The following PGM2L1 variants were observed in gnomAD, a reference collection of about 807,000 sequenced individuals.
PGM2L1 encodes glucose 1,6-bisphosphate synthase.
A neutral mutation model predicts 73.4 loss-of-function variants in PGM2L1; 35 were observed. That is an observed-to-expected ratio of 0.48 (90% CI 0.36 to 0.63). The LOEUF is 0.63. Among genes scored for constraint, PGM2L1 ranks in the 30% least tolerant of loss-of-function variants. The pLI, the probability that PGM2L1 is intolerant of heterozygous loss-of-function variation, is 0.00. For synonymous variants in PGM2L1, 225 were observed against 253.8 expected (o/e 0.89, Z 1.08); for missense variants, 570 against 742.0 (o/e 0.77, Z 2.69).
intron 6 of PGM2L1, among the ~76,000 whole-genome samples, chr11:74,349,427 G>A (rs1862316364): frequency 6.6e-6 from 1 of 152,132 alleles, no homozygotes; most frequent in African/African-American, 2.4e-5. Context: ...TTTGGTCAGT[G>A]GGAGTCCCTT....
At chr11:74,338,094 A>C (rs553941037) in intron 13 of PGM2L1, among the ~76,000 whole-genome samples, 1 of 152,356 alleles carries the variant, frequency 6.6e-6, no homozygotes, top group South Asian at 2.1e-4. Flanking sequence ...AAAAAGGAAT[A>C]AATTCATGCT....
At chr11:74,372,788 CCAAA>C (rs1484266085) in intron 2 of PGM2L1, among the ~76,000 whole-genome samples, 2 of 152,244 alleles carry the variant, frequency 1.3e-5, no homozygotes, top group Admixed American at 6.5e-5. Flanking sequence ...TGTGGTAGCA[CCAAA>C]CAAAGTCCCA....
intron 1 of PGM2L1, among the ~76,000 whole-genome samples, chr11:74,386,706 G>A (rs907125179): frequency 6.6e-6 from 1 of 152,010 alleles, no homozygotes; most frequent in Non-Finnish European, 1.5e-5. Flanking sequence ...CAAACTCTGG[G>A]GCTCAAGCAA....
At chr11:74,366,484 C>A (rs1245227966) in intron 5 of PGM2L1, among the ~76,000 whole-genome samples, 1 of 149,046 alleles carries the variant, frequency 6.7e-6, no homozygotes, top group Non-Finnish European at 1.5e-5. Flanking sequence ...GAAGAAGCAG[C>A]GATAAGTTCT....
chr11:74,374,465 C>G lies in PGM2L1; in HGVS notation c.229G>C (p.Gly77Arg). The change falls in exon 2 of 14, where the codon GGG becomes CGG. Residue 77 changes from glycine (G) to arginine (R), a missense_variant. Gly to Arg is a moderately radical substitution (Grantham distance 125). Transcript: ENST00000298198. Reference protein sequence around the residue: ...FGTAGLRSAMGAGFCYINDLT... With the variant: ...FGTAGLRSAMRAGFCYINDLT... ...TCATTAATATAGCAAAACCCTGCCC[C>G]CATGGCAGAACGAAGTCCTGCAGTC... 1.9e-6 allele frequency: 3 copies of G among 1,614,070 alleles called. No individual in the cohort carries two copies. Among genetic ancestry groups the G allele is most frequent in the Non-Finnish European group, 2.5e-6 (3 of 1,179,918 alleles).
At position 74,336,522 on chromosome 11, in the gene PGM2L1, G is replaced by T; in HGVS notation, c.*130C>A. The T allele has an allele frequency of 1.9e-6, 1 of 513,808 alleles. No individual in the cohort carries two copies. The allele number at this position is 513,808 out of a possible 1,614,324, so 31.8% of individuals were successfully genotyped here. On this transcript the variant is annotated 3_prime_UTR_variant, in exon 14 of 14. Transcript: ENST00000298198. ...GTCTAGCCAGTTGACCAAAAAGAAA[G>T]AAAATAAAAGGAAAAAGATACTCGG...
chr11:74,377,835 G>A (rs1445260311), intron 1 of PGM2L1, among the ~76,000 whole-genome samples: 3 of 152,008 alleles, frequency 2.0e-5, no homozygotes, highest in Non-Finnish European at 4.4e-5. Flanking sequence ...GATAAGATCT[G>A]AATCTATAAA....
chr11:74,360,165 A>AG (rs1862533691), intron 5 of PGM2L1, among the ~76,000 whole-genome samples: 1 of 151,872 alleles, frequency 6.6e-6, no homozygotes, highest in Non-Finnish European at 1.5e-5. Flanking sequence ...GGAAGGTTGA[A>AG]GCTGCAGTGA....
At position 74,398,092 on chromosome 11, in the gene PGM2L1, G is replaced by A; in HGVS notation, c.70C>T (p.Gln24Ter). The change falls in exon 1 of 14, where the codon CAG becomes TAG. Residue 24 changes from glutamine (Q) to a stop codon, truncating the protein, a stop_gained. Transcript: ENST00000298198. LOFTEE classifies it high-confidence loss of function. ...LHAPYHTGDPQLDTAIGQWLR... is the reference protein window; with the variant it reads ...LHAPYHTGDP ...CACTGCCCGATGGCCGTGTCCAGCTGAGGGTCCCCGGTGTGGTAGGGGGCG... is the reference window on the plus strand; with the variant it reads ...CACTGCCCGATGGCCGTGTCCAGCTAAGGGTCCCCGGTGTGGTAGGGGGCG... The A allele has an allele frequency of 6.2e-7, 1 of 1,612,954 alleles. No homozygotes were observed. Among genetic ancestry groups the A allele is most frequent in the Non-Finnish European group, 8.5e-7 (1 of 1,179,310 alleles).
chr11:74,363,409 T>G (rs970151121), intron 5 of PGM2L1, among the ~76,000 whole-genome samples: 3 of 150,076 alleles, frequency 2.0e-5, no homozygotes, highest in Non-Finnish European at 4.4e-5. Context: ...CTGAAGGAGA[T>G]AGAGACACAG....
intron 1 of PGM2L1, among the ~76,000 whole-genome samples, chr11:74,392,690 C>T (rs1201171027): frequency 6.6e-6 from 1 of 152,050 alleles, no homozygotes; most frequent in Non-Finnish European, 1.5e-5. Flanking sequence ...TACAGGTGCC[C>T]GCCACCTCGC....
rs944207606 is a variant in PGM2L1, at chr11:74,336,565, A to T, written c.*87T>A. 9 of 765,690 alleles carry T rather than the reference A, an allele frequency of 1.2e-5. No individual in the cohort carries two copies. In the African/African-American group the frequency reaches 1.6e-4, roughly 14 times the overall value. The allele number at this position is 765,690 out of a possible 1,614,324, so 47.4% of individuals were successfully genotyped here. A position where few individuals can be genotyped will look rare whatever the true frequency, so the allele number is the denominator to read the frequency against. On this transcript the variant is annotated 3_prime_UTR_variant, in exon 14 of 14. Transcript: ENST00000298198. ...ATACTCGGCCAGATGAGATAGAGAGAGAATGCTAACACAAGGTTCAATGTA... is the reference window on the plus strand; with the variant it reads ...ATACTCGGCCAGATGAGATAGAGAGTGAATGCTAACACAAGGTTCAATGTA...
intron 5 of PGM2L1, chr11:74,355,569 AAAAAAAAAAATT>A: frequency 6.1e-6 from 2 of 329,476 alleles, no homozygotes; most frequent in Non-Finnish European, 1.1e-5. Context: ...AAAAAAAAAA[AAAAAAAAAAATT>A]TGGATCCATG....
intron 5 of PGM2L1, among the ~76,000 whole-genome samples, chr11:74,365,163 T>C (rs1291467791): frequency 6.6e-6 from 1 of 151,526 alleles, no homozygotes; most frequent in Non-Finnish European, 1.5e-5. Context: ...GCTAGCCATA[T>C]GTAGAAAGCT....
intron 5 of PGM2L1, among the ~76,000 whole-genome samples, chr11:74,360,931 T>C (rs1862553403): frequency 6.6e-6 from 1 of 152,176 alleles, no homozygotes; most frequent in African/African-American, 2.4e-5. Flanking sequence ...CCACCACTGC[T>C]CAGGGAGGCC....
At chr11:74,395,549 C>CTTTTTTTTTTTTTTTTTTT (rs60883108) in intron 1 of PGM2L1, among the ~76,000 whole-genome samples, 5 of 64,944 alleles carry the variant, frequency 7.7e-5, no homozygotes, top group Non-Finnish European at 1.0e-4. Context: ...CCTCGCCTGG[C>CTTTTTTTTTTTTTTTTTTT]TTTTTTTTTT....
chr11:74,372,827 C>G (rs1272484965), intron 2 of PGM2L1, among the ~76,000 whole-genome samples: 2 of 152,152 alleles, frequency 1.3e-5, no homozygotes, highest in South Asian at 2.1e-4. Context: ...CTGAGTCTCT[C>G]AAGTACAATT....
chr11:74,365,439 T>C, intron 5 of PGM2L1, among the ~76,000 whole-genome samples: 1 of 151,974 alleles, frequency 6.6e-6, no homozygotes, highest in Non-Finnish European at 1.5e-5. Flanking sequence ...ACCTACAGAA[T>C]GGGAGAAACT....
chr11:74,349,570 T>A (rs1187652410), intron 6 of PGM2L1, among the ~76,000 whole-genome samples: 1 of 152,186 alleles, frequency 6.6e-6, no homozygotes, highest in African/African-American at 2.4e-5. Context: ...AAGAATCAAT[T>A]TCTCCAATGA....
Sources: gnomAD v4.1 joint callset for allele counts (sites outside exome capture counted in the v4.1 genomes callset) on GRCh38, gnomAD v4.1.1 for gene constraint, MANE v1.5 for transcripts, NCBI Gene and HGNC (gene_info 2026-07-23, HGNC 2026-07-21) for gene names.